MTSS1: variants seen among roughly 807,000 people sequenced by gnomAD.
MTSS1 encodes the protein MTSS I-BAR domain containing 1.
Under a neutral mutation model 79.0 loss-of-function variants are expected in MTSS1, and 18 were observed. The observed-to-expected ratio is 0.23, with a 90% confidence interval of 0.16 to 0.34. The LOEUF is 0.34. Ranked by LOEUF, MTSS1 falls within the 10% of genes least tolerant of loss-of-function variation. MTSS1 has a pLI of 1.00. For missense variants in MTSS1, 815 were observed against 986.2 expected (o/e 0.83, Z 2.33); for synonymous variants, 341 against 368.6 (o/e 0.93, Z 0.86).
chr8:124,631,958 C>T (rs1312880305), intron 3 of MTSS1, among the ~76,000 whole-genome samples: 1 of 152,124 alleles, frequency 6.6e-6, no homozygotes, highest in Non-Finnish European at 1.5e-5. Context: ...TGGTTTTTAA[C>T]AGAAAGCAAA....
chr8:124,596,279 A>G (rs775848846), intron 3 of MTSS1, among the ~76,000 whole-genome samples: 4 of 152,192 alleles, frequency 2.6e-5, no homozygotes, highest in Non-Finnish European at 5.9e-5. Context: ...TCCCAGAACC[A>G]GGAACCAACG....
intron 3 of MTSS1, among the ~76,000 whole-genome samples, chr8:124,646,620 G>T (rs1049227098): frequency 6.6e-6 from 1 of 151,958 alleles, no homozygotes; most frequent in Non-Finnish European, 1.5e-5. Context: ...ATGAAAGCAG[G>T]GTTTCTCAAG....
chr8:124,603,532 A>G (rs1335171955), intron 3 of MTSS1, among the ~76,000 whole-genome samples: 1 of 152,234 alleles, frequency 6.6e-6, no homozygotes, highest in Non-Finnish European at 1.5e-5. Context: ...CAAATGAACA[A>G]ACTGTGTTCC....
At chr8:124,628,723 G>A (rs4870915) in intron 3 of MTSS1, among the ~76,000 whole-genome samples, 31,444 of 152,084 alleles carry the variant, frequency 0.21, 3,998 homozygotes, top group African/African-American at 0.36. Flanking sequence ...AGTGAGCCAG[G>A]AACTCCAAGA....
intron 1 of MTSS1, among the ~76,000 whole-genome samples, chr8:124,716,407 G>A (rs1047943493): frequency 6.6e-6 from 1 of 152,216 alleles, no homozygotes; most frequent in Non-Finnish European, 1.5e-5. Context: ...TATCTGTGGT[G>A]GAGTCGGGGA....
chr8:124,726,476 G>T (rs1261422964), intron 1 of MTSS1, among the ~76,000 whole-genome samples: 1 of 152,204 alleles, frequency 6.6e-6, no homozygotes, highest in Non-Finnish European at 1.5e-5. Flanking sequence ...GCAGAGTCTG[G>T]CTGCAGATTA....
intron 3 of MTSS1, among the ~76,000 whole-genome samples, chr8:124,667,183 T>A (rs527308021): frequency 1.3e-5 from 2 of 152,044 alleles, no homozygotes; most frequent in African/African-American, 2.4e-5. Flanking sequence ...GGGGAGGCGC[T>A]CTCCCCAGAG....
intron 3 of MTSS1, among the ~76,000 whole-genome samples, chr8:124,645,308 G>C (rs972464901): frequency 3.9e-5 from 6 of 152,182 alleles, no homozygotes; most frequent in Admixed American, 6.5e-5. Context: ...CGGGAGGACT[G>C]TTTGAGCCCA....
At chr8:124,605,152 C>T (rs1476979511) in intron 3 of MTSS1, among the ~76,000 whole-genome samples, 1 of 152,156 alleles carries the variant, frequency 6.6e-6, no homozygotes, top group Non-Finnish European at 1.5e-5. Context: ...TGCCAGCTGT[C>T]TCCCCGACAT....
intron 3 of MTSS1, among the ~76,000 whole-genome samples, chr8:124,675,518 G>A (rs1202687440): frequency 2.0e-5 from 3 of 152,200 alleles, no homozygotes; most frequent in African/African-American, 4.8e-5. Context: ...ATTGACATAA[G>A]ACAAAATCAC....
rs145474871 is a variant in MTSS1, at chr8:124,722,939, G to T, written c.72+4945C>A. ...AATCTTGCCAGCTATCGCCACCCATGCCCGTGAAGATGGAAAAAGCCGAGA... is the reference window on the plus strand; with the variant it reads ...AATCTTGCCAGCTATCGCCACCCATTCCCGTGAAGATGGAAAAAGCCGAGA... On this transcript the variant is annotated intron_variant, in intron 1 of 13. Coordinates refer to ENST00000518547, the MANE Select transcript of MTSS1 (RefSeq NM_014751.6). Among the ~76,000 whole-genome samples, 1,425 of 152,276 alleles carry T rather than the reference G, an allele frequency of 9.4e-3. 84 individuals are homozygous for T. Among genetic ancestry groups the T allele is most frequent in the Admixed American group, 0.085 (1,296 of 15,292 alleles).
rs1336199900 is a variant in MTSS1 at position 124,727,516 on chromosome 8, G to A, written c.72+368C>T. 4 of 467,952 alleles carry A rather than the reference G, an allele frequency of 8.5e-6. No homozygotes were observed. In the Admixed American group the frequency reaches 9.4e-5, roughly 11 times the overall value. The allele number at this position is 467,952 out of a possible 1,614,324, so 29.0% of individuals were successfully genotyped here. A position where few individuals can be genotyped will look rare whatever the true frequency, so the allele number is the denominator to read the frequency against. The stretch of plus-strand genomic sequence containing the variant: ...CCCCACCCCGTGCCCGGAGGAATCA[G>A]GTGTCCTCCCGGGCATCCAGCCCCC... On this transcript the variant is annotated intron_variant, in intron 1 of 13. Coordinates refer to ENST00000518547, the MANE Select transcript of MTSS1 (RefSeq NM_014751.6). The surrounding 1 kb of genome is among the most constrained non-coding windows in gnomAD (Gnocchi z 4.7).
intron 3 of MTSS1, among the ~76,000 whole-genome samples, chr8:124,677,192 A>C (rs1825442507): frequency 1.3e-5 from 2 of 152,092 alleles, no homozygotes; most frequent in Middle Eastern, 3.2e-3. Flanking sequence ...GCAGGGAGAA[A>C]ATTTTTTTTA....
At chr8:124,593,671 C>T (rs1832252298) in intron 3 of MTSS1, among the ~76,000 whole-genome samples, 1 of 152,204 alleles carries the variant, frequency 6.6e-6, no homozygotes, top group East Asian at 1.9e-4. Flanking sequence ...CACTTCAACT[C>T]ATTTAATCCT....
chr8:124,718,373 A>G (rs1427747065), intron 1 of MTSS1, among the ~76,000 whole-genome samples: 6 of 151,966 alleles, frequency 3.9e-5, no homozygotes, highest in Non-Finnish European at 1.5e-5. Flanking sequence ...GCTCCAGGTC[A>G]ACTTCTGGTT....
intron 1 of MTSS1, among the ~76,000 whole-genome samples, chr8:124,707,801 G>A (rs1830612629): frequency 1.3e-5 from 2 of 152,146 alleles, no homozygotes; most frequent in Non-Finnish European, 2.9e-5. Flanking sequence ...CCTTGAGCCC[G>A]GGAGATCGAA....
chr8:124,596,404 A>G (rs116315573), intron 3 of MTSS1, among the ~76,000 whole-genome samples: 2,894 of 152,324 alleles, frequency 0.019, 98 homozygotes, highest in African/African-American at 0.066. Flanking sequence ...ACTTTCTCCC[A>G]TAACAAGCAA....
intron 5 of MTSS1, 99 bp from the exon 6 acceptor site, chr8:124,585,260 C>T: frequency 1.2e-6 from 1 of 830,510 alleles, no homozygotes; most frequent in Non-Finnish European, 2.0e-6. Flanking sequence ...AAAGCATAAA[C>T]TGTGACATGC....
rs1381999447 is a variant in MTSS1, at chr8:124,602,178, C to CATATATATATATAT, written c.209-10944_209-10943insATATATATATATAT. 3.1e-4 allele frequency among the ~76,000 whole-genome samples: 31 copies of CATATATATATATAT among 101,410 alleles called. 1 individual carries two copies. Among genetic ancestry groups the CATATATATATATAT allele is most frequent in the African/African-American group, 1.3e-3 (28 of 21,506 alleles). The allele number at this position is 101,410 out of a possible 152,430, so 66.5% of individuals were successfully genotyped here. On this transcript the variant is annotated intron_variant, in intron 3 of 13. Coordinates refer to ENST00000518547, the MANE Select transcript of MTSS1 (RefSeq NM_014751.6). ...AAAAAAAAAAATCACAAATAAATCT[C>CATATATATATATAT]ATATATATACATATATATATATATA...
Sources: allele counts gnomAD v4.1 joint callset (sites outside exome capture counted in the v4.1 genomes callset), GRCh38; gene constraint gnomAD v4.1.1; non-coding constraint Gnocchi (gnomAD v3.1); transcripts MANE v1.5; gene names NCBI Gene and HGNC (gene_info 2026-07-23, HGNC 2026-07-21).